SOX6: variants seen among roughly 807,000 people sequenced by gnomAD.
SOX6 encodes the protein transcription factor SOX-6.
SOX6 carries 11 observed loss-of-function variants against 97.8 expected under a neutral mutation model. The ratio of observed to expected loss-of-function variants is 0.11; its 90% CI spans 0.07 to 0.19. The LOEUF is 0.19. Among genes scored for constraint, SOX6 ranks in the 10% least tolerant of loss-of-function variants. SOX6 has a pLI of 1.00. For missense variants in SOX6, 810 were observed against 1,039.5 expected (o/e 0.78, Z 3.04); for synonymous variants, 360 against 371.4 (o/e 0.97, Z 0.35).
At chr11:16,646,117 T>G (rs1218549812) in intron 3 of SOX6, 5 of 152,216 alleles carry the variant, frequency 3.3e-5, no homozygotes, top group Non-Finnish European at 7.3e-5. Context: ...ATTAACAGCC[T>G]CACCTGGGAC....
At chr11:16,314,789 T>C (rs1257090532) in intron 3 of SOX6, 6 of 152,232 alleles carry the variant, frequency 3.9e-5, no homozygotes, top group Non-Finnish European at 1.5e-5. Flanking sequence ...ACATTATACT[T>C]GGAGATATCT....
intron 13 of SOX6, among the ~76,000 whole-genome samples, chr11:16,001,790 T>C (rs1489169473): frequency 6.6e-6 from 1 of 152,190 alleles, no homozygotes; most frequent in Admixed American, 6.5e-5. Context: ...GCTAAATTAA[T>C]GCATTCCTTG....
intron 4 of SOX6, among the ~76,000 whole-genome samples, chr11:16,574,606 C>A (rs760528458): frequency 7.9e-5 from 12 of 151,858 alleles, no homozygotes; most frequent in Non-Finnish European, 1.8e-4. Flanking sequence ...AATAACTATA[C>A]AACAATATTA....
chr11:16,049,490 T>C (rs1045665134), intron 11 of SOX6, among the ~76,000 whole-genome samples: 7 of 152,266 alleles, frequency 4.6e-5, no homozygotes, highest in Non-Finnish European at 4.4e-5. Context: ...GCACTGACCA[T>C]ATATAGAAGT....
At chr11:16,312,259 C>T (rs1440597965) in intron 3 of SOX6, 3 of 152,150 alleles carry the variant, frequency 2.0e-5, no homozygotes, top group African/African-American at 4.8e-5. Flanking sequence ...TTGTCACTCT[C>T]TCCTAATCAC....
At chr11:16,619,853 T>C (rs144997797) in intron 3 of SOX6, among the ~76,000 whole-genome samples, 1 of 152,250 alleles carries the variant, frequency 6.6e-6, no homozygotes, top group Non-Finnish European at 1.5e-5. Flanking sequence ...GGCATTTATT[T>C]ATGTGGATAT....
At chr11:16,047,850 A>C (rs1156677425) in intron 11 of SOX6, among the ~76,000 whole-genome samples, 1 of 151,964 alleles carries the variant, frequency 6.6e-6, no homozygotes, top group East Asian at 1.9e-4. Context: ...GTTTGGAAAA[A>C]ATTCCCAAGC....
At chr11:16,095,829 A>G (rs1848780323) in intron 9 of SOX6, among the ~76,000 whole-genome samples, 167 bp downstream of exon 9, 2 of 151,634 alleles carry the variant, frequency 1.3e-5, no homozygotes, top group African/African-American at 4.8e-5. Flanking sequence ...TTTCTCTGAA[A>G]GAAAAGGGGC....
At chr11:16,399,863 G>A (rs931106995) in intron 1 of SOX6, among the ~76,000 whole-genome samples, 1 of 151,314 alleles carries the variant, frequency 6.6e-6, no homozygotes, top group East Asian at 1.9e-4. Context: ...ATTCAATCAA[G>A]TGCCATGATT....
chr11:16,560,601 G>GTTTATATGTACATA (rs1565180739), intron 4 of SOX6, among the ~76,000 whole-genome samples: 627 of 41,928 alleles, frequency 0.015, 111 homozygotes, highest in African/African-American at 0.042. Context: ...ATACGTACAT[G>GTTTATATGTACATA]TATGTTTATA....
intron 1 of SOX6, among the ~76,000 whole-genome samples, chr11:16,364,302 C>G (rs1197787663): frequency 2.0e-5 from 3 of 152,034 alleles, no homozygotes; most frequent in African/African-American, 4.8e-5. Flanking sequence ...CAGGATAAGC[C>G]CATTCCAATT....
intron 3 of SOX6, chr11:16,313,512 T>C (rs1325949402): frequency 2.0e-5 from 3 of 152,062 alleles, no homozygotes; most frequent in Non-Finnish European, 2.9e-5. Flanking sequence ...ACATCCCAAA[T>C]GAGGAGATGG....
At chr11:16,600,973 C>A (rs1281186826) in intron 4 of SOX6, among the ~76,000 whole-genome samples, 1 of 152,042 alleles carries the variant, frequency 6.6e-6, no homozygotes, top group Admixed American at 6.5e-5. Context: ...TATTGAGATT[C>A]AGGGCATAAT....
At chr11:16,277,741 C>T (rs552354785) in intron 3 of SOX6, among the ~76,000 whole-genome samples, 9 of 152,272 alleles carry the variant, frequency 5.9e-5, no homozygotes, top group African/African-American at 2.2e-4. Context: ...TCTTTCCTCC[C>T]CTGCTGGGGG....
At chr11:16,305,167 A>C (rs1482677347) in intron 3 of SOX6, among the ~76,000 whole-genome samples, 1 of 152,158 alleles carries the variant, frequency 6.6e-6, no homozygotes, top group Non-Finnish European at 1.5e-5. Flanking sequence ...CAAACCATGT[A>C]TCTATCATAG....
At chr11:16,281,983 G>GTATA (rs57254231) in intron 3 of SOX6, among the ~76,000 whole-genome samples, 59 of 143,070 alleles carry the variant, frequency 4.1e-4, no homozygotes, top group African/African-American at 1.5e-3. Context: ...ATAAAATCAT[G>GTATA]TATATATATA....
chr11:16,151,251 C>T (rs1479500777), intron 6 of SOX6, among the ~76,000 whole-genome samples: 3 of 152,022 alleles, frequency 2.0e-5, no homozygotes, highest in Non-Finnish European at 2.9e-5. Flanking sequence ...ATTAGCATTA[C>T]GGGTGTAAAT....
chr11:16,682,126 T>C (rs1293855682), intron 3 of SOX6, among the ~76,000 whole-genome samples: 1 of 152,240 alleles, frequency 6.6e-6, no homozygotes, highest in African/African-American at 2.4e-5. Flanking sequence ...GCCAGCATCA[T>C]GCTGATAACA....
chr11:16,508,287 T>C (rs1456549607), intron 4 of SOX6, among the ~76,000 whole-genome samples: 1 of 152,018 alleles, frequency 6.6e-6, no homozygotes, highest in African/African-American at 2.4e-5. Context: ...AAAACTTTTC[T>C]AACTGGAGAG....
Sources: allele counts gnomAD v4.1 joint callset (sites outside exome capture counted in the v4.1 genomes callset), GRCh38; gene constraint gnomAD v4.1.1; transcripts MANE v1.5; gene names NCBI Gene and HGNC (gene_info 2026-07-23, HGNC 2026-07-21).